The following MR1 variants were observed in gnomAD, a reference collection of about 807,000 sequenced individuals.
MR1 encodes major histocompatibility complex class I-related protein 1.
In MR1, 44 loss-of-function variants were observed where a neutral mutation model predicts 37.8. That is an observed-to-expected ratio of 1.16 (90% CI 0.91 to 1.50). The LOEUF is 1.50. Among genes scored for constraint, MR1 ranks in the 40% most tolerant of loss-of-function variants. The probability of loss-of-function intolerance (pLI) is 0.00; values close to 1 mark genes in which losing one functional copy is unlikely to be tolerated. For missense variants in MR1, 386 were observed against 419.1 expected, an observed-to-expected ratio of 0.92 and a Z score of 0.69; for synonymous variants, 153 against 155.8, an observed-to-expected ratio of 0.98 and a Z score of 0.13.
In MR1 at chr1:181,055,320, T is replaced by C; in HGVS notation, c.*55T>C. 6.6e-7 allele frequency: 1 copy of C among 1,525,162 alleles called. No individual in the cohort carries two copies. The highest frequency in any genetic ancestry group is 9.1e-7 in the Non-Finnish European group (1 of 1,100,316). The allele number at this position is 1,525,162 out of a possible 1,614,324, so 94.5% of individuals were successfully genotyped here. The stretch of plus-strand genomic sequence containing the variant: ...CCTCTAGGAGCCATGTTATCCTCTG[T>C]CCCCCATAGAGTCAAGCCTAGTGCT... On this transcript the variant is annotated 3_prime_UTR_variant, in exon 6 of 6. Transcript: ENST00000367580.
At chr1:181,046,215 C>T (rs191873521) in intron 1 of MR1, among the ~76,000 whole-genome samples, 52 of 152,354 alleles carry the variant, frequency 3.4e-4, no homozygotes, top group African/African-American at 1.1e-3. Context: ...GGAGTGCGGG[C>T]GCACGGCGCG....
Position 181,055,620 on chromosome 1 carries a change from G to C in MR1, c.*355G>C, listed in dbSNP as rs897912469. The C allele has an allele frequency of 7.2e-6, 2 of 278,568 alleles. No homozygotes were observed. The highest frequency in any genetic ancestry group is 1.7e-4 in the East Asian group (2 of 12,038). The allele number at this position is 278,568 out of a possible 1,614,324, so 17.3% of individuals were successfully genotyped here. On this transcript the variant is annotated 3_prime_UTR_variant, in exon 6 of 6. Coordinates refer to ENST00000367580, the MANE Select transcript of MR1 (RefSeq NM_001385161.1). ...AATCTTTTCAACCAGAGCAGGAACTGTCTTCTGCAATGCCTTGGACTTGAG... is the reference window on the plus strand; with the variant it reads ...AATCTTTTCAACCAGAGCAGGAACTCTCTTCTGCAATGCCTTGGACTTGAG...
intron 3 of MR1, 133 bp downstream of exon 3, chr1:181,050,419 T>A: frequency 8.6e-7 from 1 of 1,169,416 alleles, no homozygotes; most frequent in Non-Finnish European, 1.2e-6. Flanking sequence ...ATCTCATGGC[T>A]AGAGCCCCCA....
chr1:181,036,123 G>A (rs1296321213), intron 1 of MR1, among the ~76,000 whole-genome samples: 1 of 152,118 alleles, frequency 6.6e-6, no homozygotes, highest in Non-Finnish European at 1.5e-5. Context: ...CCCACTTTCT[G>A]TGATGTCTTT....
At chr1:181,035,740 C>A (rs1017136957) in intron 1 of MR1, among the ~76,000 whole-genome samples, 1 of 152,112 alleles carries the variant, frequency 6.6e-6, no homozygotes, top group African/African-American at 2.4e-5. Context: ...AGAGAGTGAC[C>A]ACGCTCACAT....
intron 1 of MR1, among the ~76,000 whole-genome samples, 180 bp from the exon 2 acceptor site, chr1:181,048,872 T>C (rs201459506): frequency 6.6e-6 from 1 of 152,220 alleles, no homozygotes; most frequent in African/African-American, 2.4e-5. Flanking sequence ...CTGGAGCTCT[T>C]ACGTCCTGTC....
intron 1 of MR1, among the ~76,000 whole-genome samples, chr1:181,048,220 AAAAT>A (rs1462015215): frequency 7.6e-6 from 1 of 131,472 alleles, no homozygotes; most frequent in Non-Finnish European, 1.6e-5. Flanking sequence ...CCATCTCAAA[AAAAT>A]AAATAAAATA....
At chr1:181,045,438 C>T (rs960318523) in intron 1 of MR1, among the ~76,000 whole-genome samples, 1 of 152,068 alleles carries the variant, frequency 6.6e-6, no homozygotes, top group Non-Finnish European at 1.5e-5. Context: ...GTGCTCCAGA[C>T]GTCCCAGGCC....
Position 181,058,838 on chromosome 1 carries a change from GA to G in MR1, c.*3576del, listed in dbSNP as rs1231308628. 6.6e-6 allele frequency: 1 copy of G among 152,226 alleles called. No homozygotes were observed. Among genetic ancestry groups the G allele is most frequent in the Non-Finnish European group, 1.5e-5 (1 of 68,036 alleles). 9.4% of individuals were successfully genotyped at this position (152,226 alleles called of 1,614,324 possible). A position where few individuals can be genotyped will look rare whatever the true frequency, so the allele number is the denominator to read the frequency against. ...GTGCCAATGTATTAATTTACTGTGA[GA>G]AACACAATTGCTAAGTGGGTCAGAT... On this transcript the variant is annotated 3_prime_UTR_variant, in exon 6 of 6. Coordinates refer to ENST00000367580, the MANE Select transcript of MR1 (RefSeq NM_001385161.1).
rs1658235695 is a variant in MR1, at chr1:181,050,294, G to A, written c.604+8G>A. ...ACACCCTACAAAGAACAGGTAAAGA[G>A]AAAGAGAAGGCCTCATTCCCACATT... On this transcript the variant is annotated splice_region_variant and intron_variant, in intron 3 of 5. Transcript: ENST00000367580. 1 of 1,614,144 alleles carries A rather than the reference G, an allele frequency of 6.2e-7. No individual in the cohort carries two copies. The highest frequency in any genetic ancestry group is 8.5e-7 in the Non-Finnish European group (1 of 1,179,994).
At chr1:181,036,518 T>C (rs1657278093) in intron 1 of MR1, among the ~76,000 whole-genome samples, 2 of 152,200 alleles carry the variant, frequency 1.3e-5, no homozygotes, top group African/African-American at 4.8e-5. Flanking sequence ...GGGAGCTATA[T>C]ACCAGTAATA....
At chr1:181,046,317 C>T (rs1032475611) in intron 1 of MR1, among the ~76,000 whole-genome samples, 1 of 152,224 alleles carries the variant, frequency 6.6e-6, no homozygotes, top group Non-Finnish European at 1.5e-5. Flanking sequence ...CGTGGAGAAC[C>T]TTTATGTCTA....
Position 181,052,565 on chromosome 1 carries a change from A to C in MR1, c.880+55A>C. 1.9e-6 allele frequency: 3 copies of C among 1,572,166 alleles called. No individual in the cohort carries two copies. The East Asian group carries it at 6.8e-5, about 35-fold the overall frequency. ...AGAGAGCCTGGAGAAAGGGGTGAGC[A>C]GGAAACCATGCTCGCTGCCAGGGAG... On this transcript the variant is annotated intron_variant, in intron 4 of 5. Transcript: ENST00000367580.
In MR1 at chr1:181,058,857, G is replaced by A. The variant is rs969364201; in HGVS notation, c.*3592G>A. The A allele has an allele frequency of 6.6e-6, 1 of 152,198 alleles. No homozygotes were observed. Among genetic ancestry groups the A allele is most frequent in the Non-Finnish European group, 1.5e-5 (1 of 68,040 alleles). 9.4% of individuals were successfully genotyped at this position (152,198 alleles called of 1,614,324 possible). On this transcript the variant is annotated 3_prime_UTR_variant, in exon 6 of 6. Transcript: ENST00000367580. ...CTGTGAGAAACACAATTGCTAAGTG[G>A]GTCAGATATCTGTCTCAGCTGGTCA...
Position 181,052,478 on chromosome 1 carries a change from G to T in MR1, c.848G>T (p.Cys283Phe), listed in dbSNP as rs1436185783. 1.9e-6 allele frequency: 3 copies of T among 1,613,912 alleles called. No homozygotes were observed. Among genetic ancestry groups the T allele is most frequent in the Non-Finnish European group, 2.5e-6 (3 of 1,179,912 alleles). Residue 283 changes from cysteine (C) to phenylalanine (F), a missense_variant, in exon 4 of 6, where the codon TGC (cysteine) becomes TTC (phenylalanine). Cys to Phe is a radical substitution (Grantham distance 205). Coordinates refer to ENST00000367580, the MANE Select transcript of MR1 (RefSeq NM_001385161.1). ...CTTTACTCCTGTCATGTGGAGCACT[G>T]CGGTGTCCACATGGTTCTTCAGGTC... ...SNLYSCHVEH[C>F]GVHMVLQVPQ...
intron 5 of MR1, among the ~76,000 whole-genome samples, chr1:181,054,970 G>T (rs1205590498): frequency 6.6e-6 from 1 of 152,160 alleles, no homozygotes; most frequent in African/African-American, 2.4e-5. Flanking sequence ...TCCAATAAAT[G>T]ATAGTGAAAC....
Position 181,049,538 on chromosome 1 carries a change from CAT to C in MR1, c.328+227_328+228del. 6.7e-6 allele frequency: 4 copies of C among 593,416 alleles called. No individual in the cohort carries two copies. The East Asian group carries it at 1.1e-4, about 17-fold the overall frequency. 36.8% of individuals were successfully genotyped at this position (593,416 alleles called of 1,614,324 possible). On this transcript the variant is annotated intron_variant, in intron 2 of 5. Coordinates refer to ENST00000367580, the MANE Select transcript of MR1 (RefSeq NM_001385161.1). ...GTCATTTGCCCCACCCACTCTTCCC[CAT>C]CTCTGTATCCGTATCTGCATCCCAT... is the stretch of plus-strand genomic sequence containing the variant.
chr1:181,037,881 G>A (rs1657356375), intron 1 of MR1, among the ~76,000 whole-genome samples: 1 of 152,138 alleles, frequency 6.6e-6, no homozygotes, highest in Non-Finnish European at 1.5e-5. Flanking sequence ...ACTCCACATA[G>A]TCCTACAGGG....
At chr1:181,037,633 A>T (rs146709483) in intron 1 of MR1, among the ~76,000 whole-genome samples, 2 of 152,352 alleles carry the variant, frequency 1.3e-5, no homozygotes, top group Non-Finnish European at 2.9e-5. Flanking sequence ...AGGGAACTCA[A>T]ATTGAGAAAG....
Sources: gnomAD v4.1 joint callset for allele counts (sites outside exome capture counted in the v4.1 genomes callset) on GRCh38, gnomAD v4.1.1 for gene constraint, MANE v1.5 for transcripts, NCBI Gene and HGNC (gene_info 2026-07-23, HGNC 2026-07-21) for gene names.